NOP53: variants seen among roughly 807,000 people sequenced by gnomAD.
NOP53 encodes the protein NOP53 ribosome biogenesis factor, also known as ribosome biogenesis protein NOP53.
NOP53 carries 40 observed loss-of-function variants against 61.0 expected under a neutral mutation model. That is an observed-to-expected ratio of 0.66 (90% confidence interval 0.51 to 0.85). The LOEUF is 0.85. NOP53 is among the 40% of genes least tolerant of loss of function. NOP53 has a pLI of 0.00. For missense variants in NOP53, 689 were observed against 652.9 expected, an observed-to-expected ratio of 1.06 and a Z score of -0.60; for synonymous variants, 308 against 289.5, an observed-to-expected ratio of 1.06 and a Z score of -0.65.
At chr19:47,748,357 T>C (rs1159532263) in intron 2 of NOP53, among the ~76,000 whole-genome samples, 2 of 152,062 alleles carry the variant, frequency 1.3e-5, no homozygotes, top group Admixed American at 1.3e-4. Context: ...AGGGAGGGAT[T>C]GCTCTGGTGA....
Position 47,751,512 on chromosome 19 carries a change from A to G in NOP53, c.599-8A>G, listed in dbSNP as rs754966051. ...CTGTCCCAGCAGCTCCCCTCGCTGTATCCACAGACCCCCTGGACAGGCCGT... is the reference window on the plus strand; with the variant it reads ...CTGTCCCAGCAGCTCCCCTCGCTGTGTCCACAGACCCCCTGGACAGGCCGT... On this transcript the variant is annotated splice_polypyrimidine_tract_variant and splice_region_variant and intron_variant, in intron 4 of 12. Transcript: ENST00000246802. 2.5e-6 allele frequency: 4 copies of G among 1,612,628 alleles called. No homozygotes were observed. Among genetic ancestry groups the G allele is most frequent in the African/African-American group, 1.3e-5 (1 of 74,794 alleles).
chr19:47,751,370 G>A, intron 4 of NOP53, 150 bp from the exon 5 acceptor site: 1 of 666,882 alleles, frequency 1.5e-6, no homozygotes, highest in South Asian at 1.8e-5. Flanking sequence ...GTTTTGTCCT[G>A]GTGATCAAGG....
rs1428599243 is a variant in NOP53, at chr19:47,751,179, C to T, written c.598+72C>T. 5.3e-6 allele frequency: 7 copies of T among 1,327,484 alleles called. No individual in the cohort carries two copies. In the East Asian group the frequency reaches 1.5e-4, roughly 28 times the overall value. 82.2% of individuals were successfully genotyped at this position (1,327,484 alleles called of 1,614,324 possible). On this transcript the variant is annotated intron_variant, in intron 4 of 12. Coordinates refer to ENST00000246802, the MANE Select transcript of NOP53 (RefSeq NM_015710.5). ...TGCAGTTTGTGTGTGTTGTGCACTG[C>T]ACGAGAGTACAGTGTGAAAGGGAGT...
chr19:47,755,422 C>G lies in NOP53; in HGVS notation c.1128C>G (p.Ala376=). 6.5e-7 allele frequency: 1 copy of G among 1,532,274 alleles called. No homozygotes were observed. Among genetic ancestry groups the G allele is most frequent in the Non-Finnish European group, 8.7e-7 (1 of 1,142,922 alleles). The allele number at this position is 1,532,274 out of a possible 1,614,324, so 94.9% of individuals were successfully genotyped here. Residue 376 remains alanine, a synonymous_variant, in exon 9 of 13, where the codon GCC becomes GCG. Coordinates refer to ENST00000246802, the MANE Select transcript of NOP53 (RefSeq NM_015710.5). ...QELFRLRGIK[A]QVALRLAELA... ...TGTTCCGGCTGCGCGGGATCAAGGC[C>G]CAGGTGGCCCTGAGGCTGGCGGAGC... is the stretch of plus-strand genomic sequence containing the variant.
chr19:47,755,252 A>T, intron 8 of NOP53, 96 bp from the exon 9 acceptor site: 1 of 787,612 alleles, frequency 1.3e-6, no homozygotes, highest in Non-Finnish European at 1.9e-6. Flanking sequence ...CTCCGGGGAC[A>T]GGCAGGTTTG....
intron 2 of NOP53, among the ~76,000 whole-genome samples, chr19:47,748,445 G>A (rs1967089134): frequency 6.6e-6 from 1 of 152,138 alleles, no homozygotes; most frequent in African/African-American, 2.4e-5. Context: ...CTGGAAGCAA[G>A]CGAAGGGGTC....
At chr19:47,756,645 G>T in intron 11 of NOP53, 41 bp downstream of exon 11, 2 of 1,613,466 alleles carry the variant, frequency 1.2e-6, no homozygotes, top group South Asian at 2.2e-5. Context: ...AGGGCATCTG[G>T]GATTGGCCCC....
intron 3 of NOP53, 115 bp downstream of exon 3, chr19:47,750,401 T>C: frequency 1.4e-6 from 1 of 692,482 alleles, no homozygotes; most frequent in Non-Finnish European, 2.6e-6. Context: ...CAGGCTCAGG[T>C]TTGGGCTTCG....
In NOP53 at chr19:47,754,342, C is replaced by T. The variant is rs1227828888; in HGVS notation, c.766-185C>T. On this transcript the variant is annotated intron_variant, in intron 6 of 12. Transcript: ENST00000246802. The surrounding 1 kb of genome is among the most constrained non-coding windows in gnomAD (Gnocchi z 4.2). ...CAGACGTGCAGAGCAGGTGTGAGGG[C>T]GAGGGTTTGAGGTGCCCTCTGGCTC... The T allele has an allele frequency of 6.7e-5, 40 of 597,520 alleles. No homozygotes were observed. The highest frequency in any genetic ancestry group is 4.6e-4 in the South Asian group (23 of 49,672). The allele number at this position is 597,520 out of a possible 1,614,324, so 37.0% of individuals were successfully genotyped here. A position where few individuals can be genotyped will look rare whatever the true frequency, so the allele number is the denominator to read the frequency against.
rs753358245 is a variant in NOP53, at chr19:47,745,716, C to G, written c.157C>G (p.Gln53Glu). The G allele has an allele frequency of 1.9e-6, 3 of 1,610,872 alleles. No homozygotes were observed. Among genetic ancestry groups the G allele is most frequent in the Middle Eastern group, 1.8e-4 (1 of 5,554 alleles). The change falls in exon 1 of 13, where the codon CAG becomes GAG. Residue 53 changes from glutamine (Q) to glutamate (E), a missense_variant. Physicochemically the swap from Gln to Glu is conservative, Grantham distance 29. Coordinates refer to ENST00000246802, the MANE Select transcript of NOP53 (RefSeq NM_015710.5). ...GAAGCGGGGCTGGCGGCGGCTTGCT[C>G]AGGAGCCGCTGGGGCTGGAGGTTGA... ...NKKRGWRRLA[Q>E]EPLGLEVDQF...
intron 1 of NOP53, 40 bp from the exon 2 acceptor site, chr19:47,746,927 C>A (rs758701962): frequency 6.9e-5 from 108 of 1,555,452 alleles, no homozygotes; most frequent in Non-Finnish European, 9.0e-5. Context: ...TCTTTCCTCT[C>A]CAACATCTCT....
Position 47,751,056 on chromosome 19 carries a change from G to T in NOP53, c.547G>T (p.Gly183Trp). 1 of 1,608,396 alleles carries T rather than the reference G, an allele frequency of 6.2e-7. No individual in the cohort carries two copies. Residue 183 changes from glycine (G) to tryptophan (W), a missense_variant, in exon 4 of 13, where the codon GGG becomes TGG. Coordinates refer to ENST00000246802, the MANE Select transcript of NOP53 (RefSeq NM_015710.5). ...LNPSATRAKP[G>W]PQDTVERPFY... The stretch of plus-strand genomic sequence containing the variant: ...CCCTTCTGCAACAAGGGCCAAGCCC[G>T]GGCCCCAGGACACCGTAGAGCGGCC...
intron 1 of NOP53, chr19:47,746,009 T>C: frequency 2.0e-6 from 1 of 493,906 alleles, no homozygotes; most frequent in Admixed American, 3.8e-5. Context: ...TACAGGACGC[T>C]CAATTAAATT....
chr19:47,752,738 G>A (rs763754739), intron 6 of NOP53, 131 bp downstream of exon 6: 40 of 642,918 alleles, frequency 6.2e-5, no homozygotes, highest in Non-Finnish European at 1.1e-4. Flanking sequence ...CGGGGCTCAC[G>A]GTCCAGTGCA....
chr19:47,750,422 TAGAG>T lies in NOP53; in HGVS notation c.398+137_398+140del. On this transcript the variant is annotated intron_variant, in intron 3 of 12. Transcript: ENST00000246802. ...CAGGTTTGGGCTTCGGAGTGCAGATTAGAGGGAGGGAGTCTGGGTGCCCTGGTGC... is the reference window on the plus strand; with the variant it reads ...CAGGTTTGGGCTTCGGAGTGCAGATTGGAGGGAGTCTGGGTGCCCTGGTGC... The T allele has an allele frequency of 6.3e-6, 4 of 629,974 alleles. No individual in the cohort carries two copies. The Admixed American group carries it at 7.5e-5, about 12-fold the overall frequency. 39.0% of individuals were successfully genotyped at this position (629,974 alleles called of 1,614,324 possible).
rs1277173620 is a variant in NOP53, at chr19:47,750,270, G to A, written c.382G>A (p.Val128Ile). 1 of 1,601,404 alleles carries A rather than the reference G, an allele frequency of 6.2e-7. No homozygotes were observed. Among genetic ancestry groups the A allele is most frequent in the East Asian group, 2.2e-5 (1 of 44,838 alleles). Residue 128 changes from valine to isoleucine, a missense_variant, in exon 3 of 13, where the codon GTC becomes ATC. Physicochemically the swap from Val to Ile is conservative, Grantham distance 29 (BLOSUM62 3). Transcript: ENST00000246802. Reference protein sequence around the residue: ...VDLILENTSKVPAPKDVLAHQ... With the variant: ...VDLILENTSKIPAPKDVLAHQ... ...CCTCATCCTCGAGAACACATCCAAAGTCCCTGCCCCCAAAGAGTGAGTGTC... is the reference window on the plus strand; with the variant it reads ...CCTCATCCTCGAGAACACATCCAAAATCCCTGCCCCCAAAGAGTGAGTGTC...
chr19:47,753,501 T>G (rs1482510608), intron 6 of NOP53: 1 of 144,170 alleles, frequency 6.9e-6, no homozygotes, highest in Non-Finnish European at 1.5e-5. Context: ...ACTGGAGAGA[T>G]GCTGAGATGT....
intron 2 of NOP53, among the ~76,000 whole-genome samples, chr19:47,747,694 C>A (rs905944961): frequency 6.6e-6 from 1 of 150,766 alleles, no homozygotes; most frequent in East Asian, 2.0e-4. Context: ...TCAGTTCAAG[C>A]GATTCTCCTG....
chr19:47,751,470 CCT>C, intron 4 of NOP53, 48 bp from the exon 5 acceptor site: 1 of 1,423,110 alleles, frequency 7.0e-7, no homozygotes, highest in Non-Finnish European at 9.9e-7. Flanking sequence ...GCCTTTGGTG[CCT>C]CTTCCATGCT....
Sources: allele counts gnomAD v4.1 joint callset (sites outside exome capture counted in the v4.1 genomes callset), GRCh38; gene constraint gnomAD v4.1.1; non-coding constraint Gnocchi (gnomAD v3.1); transcripts MANE v1.5; gene names NCBI Gene and HGNC (gene_info 2026-07-23, HGNC 2026-07-21).